Variants in DENND5B observed in about 807,000 individuals in gnomAD.
DENND5B encodes the protein DENN domain-containing protein 5B.
Under a neutral mutation model 140.6 loss-of-function variants are expected in DENND5B, and 34 were observed. The observed-to-expected ratio is 0.24, with a 90% CI of 0.18 to 0.32. The LOEUF is 0.32. Ranked by LOEUF, DENND5B falls within the 10% of genes least tolerant of loss-of-function variation. The pLI, the probability that DENND5B is intolerant of heterozygous loss-of-function variation, is 1.00. For synonymous variants in DENND5B, 551 were observed against 562.1 expected, an observed-to-expected ratio of 0.98 and a Z score of 0.28; for missense variants, 1,142 against 1,560.2, an observed-to-expected ratio of 0.73 and a Z score of 4.52.
At chr12:31,508,252 T>C (rs1947277448) in intron 1 of DENND5B, among the ~76,000 whole-genome samples, 1 of 152,178 alleles carries the variant, frequency 6.6e-6, no homozygotes, top group Non-Finnish European at 1.5e-5. Flanking sequence ...TTTCCCTCCA[T>C]TTCCATTAAC....
At chr12:31,566,324 C>A (rs1949629109) in intron 1 of DENND5B, among the ~76,000 whole-genome samples, 1 of 124,596 alleles carries the variant, frequency 8.0e-6, no homozygotes, top group Admixed American at 9.6e-5. Context: ...TAGTGAGAAC[C>A]TCTCTCTTAA....
In DENND5B at chr12:31,452,283, A is replaced by C; in HGVS notation, c.1286T>G (p.Val429Gly). 6.2e-7 allele frequency: 1 copy of C among 1,613,912 alleles called. No homozygotes were observed. Among genetic ancestry groups the C allele is most frequent in the Non-Finnish European group, 8.5e-7 (1 of 1,179,886 alleles). The change falls in exon 5 of 21, where the codon GTC (valine) becomes GGC (glycine). Residue 429 changes from valine (V) to glycine (G), a missense_variant. This residue lies in a region of DENND5B where 708 missense variants were observed against 905.5 expected (regional missense o/e 0.78). Coordinates refer to ENST00000389082, the MANE Select transcript of DENND5B (RefSeq NM_144973.4). Reference sequence around the variant, plus strand: ...GACATTGCCGTTCTTTTTGTCATTGACCAAGTCTTTCAGAACCATATTCTT... The same window carrying C: ...GACATTGCCGTTCTTTTTGTCATTGCCCAAGTCTTTCAGAACCATATTCTT... ...KLKNMVLKDLVNDKKNGNVCT... is the reference protein window; with the variant it reads ...KLKNMVLKDLGNDKKNGNVCT...
At chr12:31,411,284 C>T (rs757107751) in intron 13 of DENND5B, among the ~76,000 whole-genome samples, 12 of 151,202 alleles carry the variant, frequency 7.9e-5, no homozygotes, top group Non-Finnish European at 1.6e-4. Flanking sequence ...GTGATCCACC[C>T]GCCTCGGCCT....
intron 1 of DENND5B, among the ~76,000 whole-genome samples, chr12:31,505,631 A>C (rs977845501): frequency 6.6e-6 from 1 of 152,120 alleles, no homozygotes; most frequent in Non-Finnish European, 1.5e-5. Flanking sequence ...GTTCTAGCCC[A>C]TGACAAGCTT....
chr12:31,401,643 T>A (rs1484953531), intron 15 of DENND5B, among the ~76,000 whole-genome samples: 2 of 152,178 alleles, frequency 1.3e-5, no homozygotes, highest in Admixed American at 6.5e-5. Flanking sequence ...TTTTGTTTTG[T>A]TTTTTGAGAC....
chr12:31,499,963 A>C (rs1345623437), intron 1 of DENND5B, among the ~76,000 whole-genome samples: 1 of 152,252 alleles, frequency 6.6e-6, no homozygotes, highest in Non-Finnish European at 1.5e-5. Context: ...TTACTTAAAG[A>C]GGAATATTAG....
intron 1 of DENND5B, among the ~76,000 whole-genome samples, chr12:31,549,251 A>G (rs923358668): frequency 2.0e-5 from 3 of 152,168 alleles, no homozygotes; most frequent in Non-Finnish European, 4.4e-5. Context: ...AATGAGAGAT[A>G]AAATGTAGCA....
At chr12:31,397,715 C>T (rs1272603408) in intron 17 of DENND5B, among the ~76,000 whole-genome samples, 1 of 152,010 alleles carries the variant, frequency 6.6e-6, no homozygotes, top group Non-Finnish European at 1.5e-5. Context: ...CGCTTGAGCT[C>T]AGAAGTTCAA....
intron 3 of DENND5B, among the ~76,000 whole-genome samples, chr12:31,462,265 A>G (rs935230791): frequency 2.6e-4 from 39 of 151,454 alleles, no homozygotes; most frequent in African/African-American, 9.0e-4. Flanking sequence ...GTAGTAGAGG[A>G]GATCAGAAAA....
chr12:31,435,375 G>A (rs1228082358), intron 7 of DENND5B, among the ~76,000 whole-genome samples: 1 of 152,046 alleles, frequency 6.6e-6, no homozygotes, highest in African/African-American at 2.4e-5. Flanking sequence ...TCAAAACTGT[G>A]TCTTCCACTT....
chr12:31,549,067 T>G (rs1168703296), intron 1 of DENND5B, among the ~76,000 whole-genome samples: 1 of 152,122 alleles, frequency 6.6e-6, no homozygotes, highest in Non-Finnish European at 1.5e-5. Context: ...GGCTAATTCT[T>G]TAAAAATTTT....
At position 31,479,748 on chromosome 12, in the gene DENND5B, C is replaced by T. The variant is rs1427367061; in HGVS notation, c.745G>A (p.Gly249Ser). 1.2e-6 allele frequency: 2 copies of T among 1,603,456 alleles called. No individual in the cohort carries two copies. Among genetic ancestry groups the T allele is most frequent in the Middle Eastern group, 1.7e-4 (1 of 6,054 alleles). ...PPPGRSLKFYGVYEPVICQRP... is the reference protein window; with the variant it reads ...PPPGRSLKFYSVYEPVICQRP... ...TGGCAGATGACAGGTTCATAAACAC[C>T]ATAAAATTTCAGTGACCTCCCTGGA... is the stretch of plus-strand genomic sequence containing the variant. Residue 249 changes from glycine (G) to serine (S), a missense_variant, in exon 3 of 21, where the codon GGT (glycine) becomes AGT (serine). Physicochemically the swap from Gly to Ser is moderately conservative, Grantham distance 56. Around this residue, in one of 5 missense-constraint regions of DENND5B, gnomAD observed 708 missense variants for 905.5 expected, o/e 0.78. Transcript: ENST00000389082.
chr12:31,405,203 T>C (rs1204140128), intron 14 of DENND5B, among the ~76,000 whole-genome samples: 1 of 151,484 alleles, frequency 6.6e-6, no homozygotes, highest in Non-Finnish European at 1.5e-5. Context: ...GCACCTGGCC[T>C]GATTGTAAAA....
At chr12:31,454,034 C>A (rs941878278) in intron 4 of DENND5B, among the ~76,000 whole-genome samples, 3 of 151,214 alleles carry the variant, frequency 2.0e-5, no homozygotes, top group Admixed American at 1.3e-4. Flanking sequence ...CCCAGCTACT[C>A]GGGAGGCTAA....
intron 1 of DENND5B, among the ~76,000 whole-genome samples, chr12:31,576,494 GAGAAA>G (rs1332525421): frequency 5.3e-5 from 8 of 151,458 alleles, no homozygotes; most frequent in Non-Finnish European, 1.0e-4. Flanking sequence ...GAAAGAGACA[GAGAAA>G]AGAGAGAAAG....
chr12:31,450,326 C>A (rs1345884800), intron 5 of DENND5B, among the ~76,000 whole-genome samples: 1 of 151,596 alleles, frequency 6.6e-6, no homozygotes, highest in Middle Eastern at 3.2e-3. Flanking sequence ...CAATATCATC[C>A]TCCAACAGAA....
At chr12:31,529,634 G>A (rs770398585) in intron 1 of DENND5B, among the ~76,000 whole-genome samples, 8 of 151,718 alleles carry the variant, frequency 5.3e-5, no homozygotes, top group South Asian at 2.1e-4. Flanking sequence ...AAACCAGCCC[G>A]GGCAACATGG....
chr12:31,513,814 T>C (rs918511989), intron 1 of DENND5B, among the ~76,000 whole-genome samples: 5 of 150,736 alleles, frequency 3.3e-5, no homozygotes, highest in Non-Finnish European at 4.4e-5. Flanking sequence ...TGGGGTGTCA[T>C]TGCTTGTAAG....
intron 1 of DENND5B, among the ~76,000 whole-genome samples, chr12:31,498,789 G>A (rs1176122072): frequency 1.3e-5 from 2 of 151,740 alleles, no homozygotes; most frequent in Non-Finnish European, 2.9e-5. Context: ...CCTGGCGAAC[G>A]TGCTGAAATC....
Sources: allele counts gnomAD v4.1 joint callset (sites outside exome capture counted in the v4.1 genomes callset), GRCh38; gene constraint gnomAD v4.1.1; regional missense constraint gnomAD v4.1.1; transcripts MANE v1.5; gene names NCBI Gene and HGNC (gene_info 2026-07-23, HGNC 2026-07-21).